CACNA1D: variants seen among roughly 807,000 people sequenced by gnomAD.
CACNA1D encodes calcium voltage-gated channel subunit alpha1 D.
CACNA1D carries 55 observed loss-of-function variants against 257.1 expected under a neutral mutation model. That is an observed-to-expected ratio of 0.21 (90% CI 0.17 to 0.27). CACNA1D has a LOEUF of 0.27. CACNA1D is among the 10% of genes least tolerant of loss of function. The probability of loss-of-function intolerance (pLI) is 1.00; values close to 1 mark genes in which losing one functional copy is unlikely to be tolerated. For missense variants in CACNA1D, 1,876 were observed against 2,784.0 expected (o/e 0.67, Z 7.34); for synonymous variants, 980 against 1,014.9 (o/e 0.97, Z 0.65).
intron 29 of CACNA1D, among the ~76,000 whole-genome samples, chr3:53,754,506 TAA>T (rs1399990437): frequency 1.3e-5 from 2 of 152,124 alleles, no homozygotes; most frequent in East Asian, 3.9e-4. Flanking sequence ...TCATGAGGAG[TAA>T]AGAGTTCCCA....
intron 7 of CACNA1D, 143 bp downstream of exon 7, chr3:53,666,678 G>A: frequency 1.3e-6 from 1 of 756,082 alleles, no homozygotes; most frequent in South Asian, 1.4e-5. Flanking sequence ...GTCTTTACCA[G>A]CAGTCTTCAT....
chr3:53,640,497 T>G (rs544364076), intron 3 of CACNA1D, among the ~76,000 whole-genome samples: 1 of 152,198 alleles, frequency 6.6e-6, no homozygotes, highest in Admixed American at 6.5e-5. Flanking sequence ...TGGAATCTAG[T>G]GAGGTGAAGT....
rs1326356610 is a variant in CACNA1D, at chr3:53,618,998, C to T, written c.484-31781C>T. On this transcript the variant is annotated intron_variant, in intron 3 of 47. Coordinates refer to ENST00000350061, the MANE Select transcript of CACNA1D (RefSeq NM_001128840.3). ...TACCCCTTTGCAGGCAGCCCTTACCCGGCAGCCCCCACTGCCAACGTCTCT... is the reference window on the plus strand; with the variant it reads ...TACCCCTTTGCAGGCAGCCCTTACCTGGCAGCCCCCACTGCCAACGTCTCT... Among the ~76,000 whole-genome samples the T allele has an allele frequency of 4.6e-5, 7 of 152,260 alleles. No individual in the cohort carries two copies. The South Asian group carries it at 8.3e-4, about 18-fold the overall frequency.
At chr3:53,730,941 G>C (rs2094985406) in intron 16 of CACNA1D, 136 bp from the exon 17 acceptor site, 1 of 664,128 alleles carries the variant, frequency 1.5e-6, no homozygotes, top group African/African-American at 1.8e-5. Flanking sequence ...GGTTGTGCTA[G>C]GCTCTTGTGG....
intron 2 of CACNA1D, among the ~76,000 whole-genome samples, chr3:53,500,893 T>C (rs981513044): frequency 2.0e-5 from 3 of 152,204 alleles, no homozygotes; most frequent in Non-Finnish European, 2.9e-5. Context: ...TGATTTCTTA[T>C]GGCTTTTTAA....
At chr3:53,526,065 A>C (rs965572451) in intron 3 of CACNA1D, among the ~76,000 whole-genome samples, 1 of 152,228 alleles carries the variant, frequency 6.6e-6, no homozygotes, top group African/African-American at 2.4e-5. Flanking sequence ...ACCTTCCAGC[A>C]AAAGAGAGTG....
intron 32 of CACNA1D, among the ~76,000 whole-genome samples, chr3:53,771,572 G>T (rs914062975): frequency 2.0e-5 from 3 of 152,172 alleles, no homozygotes; most frequent in African/African-American, 7.2e-5. Context: ...GTAAAGTGGG[G>T]GCCTCAGGCA....
intron 30 of CACNA1D, among the ~76,000 whole-genome samples, chr3:53,768,935 C>T (rs1333429480): frequency 5.9e-5 from 9 of 152,230 alleles, no homozygotes; most frequent in Non-Finnish European, 1.3e-4. Flanking sequence ...AAGCCCCTAA[C>T]CGGAAGAGCC....
intron 3 of CACNA1D, among the ~76,000 whole-genome samples, chr3:53,636,028 G>A (rs2093879476): frequency 6.6e-6 from 1 of 152,084 alleles, no homozygotes; most frequent in Admixed American, 6.5e-5. Context: ...TGCTTCTTGG[G>A]TGTCTGGCTC....
At chr3:53,634,188 T>A (rs1380607) in intron 3 of CACNA1D, among the ~76,000 whole-genome samples, 16 of 152,154 alleles carry the variant, frequency 1.1e-4, no homozygotes, top group Admixed American at 9.8e-4. Context: ...TTAGAACATA[T>A]GTTTATGAAG....
At chr3:53,573,008 C>T (rs2092975045) in intron 3 of CACNA1D, among the ~76,000 whole-genome samples, 1 of 152,184 alleles carries the variant, frequency 6.6e-6, no homozygotes, top group African/African-American at 2.4e-5. Flanking sequence ...ATTTCAGTGT[C>T]CTTTGAATGA....
intron 3 of CACNA1D, among the ~76,000 whole-genome samples, chr3:53,509,459 T>C (rs1381101381): frequency 6.6e-6 from 1 of 152,178 alleles, no homozygotes; most frequent in Non-Finnish European, 1.5e-5. Flanking sequence ...ATGACTTTCT[T>C]CTCCAGAACT....
intron 3 of CACNA1D, among the ~76,000 whole-genome samples, chr3:53,510,138 A>G (rs1406267165): frequency 1.3e-5 from 2 of 152,270 alleles, no homozygotes; most frequent in Non-Finnish European, 1.5e-5. Context: ...GTTTCAAATA[A>G]TTAAAACAAT....
At chr3:53,536,290 C>T (rs1309149225) in intron 3 of CACNA1D, among the ~76,000 whole-genome samples, 2 of 152,102 alleles carry the variant, frequency 1.3e-5, no homozygotes, top group Non-Finnish European at 2.9e-5. Context: ...TTCTCTTACC[C>T]TGGTCATTTT....
intron 3 of CACNA1D, among the ~76,000 whole-genome samples, chr3:53,509,632 A>G (rs1194556440): frequency 6.6e-6 from 1 of 152,048 alleles, no homozygotes; most frequent in Non-Finnish European, 1.5e-5. Flanking sequence ...GCAGGTGCAG[A>G]CTGCTCAGTG....
At chr3:53,614,126 CAAAA>C (rs60855377) in intron 3 of CACNA1D, among the ~76,000 whole-genome samples, 134 of 108,748 alleles carry the variant, frequency 1.2e-3, no homozygotes, top group Non-Finnish European at 2.1e-3. Flanking sequence ...GCCCCCAACT[CAAAA>C]AAAAAAAAAA....
chr3:53,523,284 C>T (rs2091646723), intron 3 of CACNA1D, among the ~76,000 whole-genome samples: 1 of 152,142 alleles, frequency 6.6e-6, no homozygotes, highest in Non-Finnish European at 1.5e-5. Flanking sequence ...TTTCAGGTTC[C>T]TGTAACCCTG....
chr3:53,572,398 A>AT (rs1163055177), intron 3 of CACNA1D, among the ~76,000 whole-genome samples: 4 of 150,158 alleles, frequency 2.7e-5, no homozygotes, highest in Non-Finnish European at 5.9e-5. Context: ...TTATTTATTT[A>AT]TTTATTTATT....
intron 40 of CACNA1D, among the ~76,000 whole-genome samples, chr3:53,798,661 T>C (rs1403410849): frequency 1.3e-5 from 2 of 152,196 alleles, no homozygotes; most frequent in Non-Finnish European, 2.9e-5. Flanking sequence ...TTTAGCAGAA[T>C]TGTCTCAAAG....
Sources: gnomAD v4.1 joint callset for allele counts (sites outside exome capture counted in the v4.1 genomes callset) on GRCh38, gnomAD v4.1.1 for gene constraint, MANE v1.5 for transcripts, NCBI Gene and HGNC (gene_info 2026-07-23, HGNC 2026-07-21) for gene names.